Variants in FCGR2B observed in about 807,000 individuals in gnomAD.
FCGR2B encodes Fc gamma receptor IIb.
In FCGR2B, 18 loss-of-function variants were observed where a neutral mutation model predicts 24.8. The observed-to-expected ratio is 0.73, with a 90% CI of 0.50 to 1.08. The LOEUF is 1.08. FCGR2B is among the 50% of genes least tolerant of loss of function. The probability of loss-of-function intolerance (pLI) is 0.00; values close to 1 mark genes in which losing one functional copy is unlikely to be tolerated. For missense variants in FCGR2B, 215 were observed against 297.6 expected (o/e 0.72, Z 2.04); for synonymous variants, 79 against 109.8 (o/e 0.72, Z 1.75).
In FCGR2B at chr1:161,671,592, A is replaced by G; in HGVS notation, c.334A>G (p.Thr112Ala). ...CAACAACAATGACAGCGGGGAGTAC[A>G]CGTGCCAGACTGGCCAGACCAGCCT... Reference protein sequence around the residue: ...KANNNDSGEYTCQTGQTSLSD... With the variant: ...KANNNDSGEYACQTGQTSLSD... Residue 112 changes from threonine to alanine, a missense_variant, in exon 3 of 8, where the codon ACG (threonine) becomes GCG (alanine). This residue lies in a region of FCGR2B where 39 missense variants were observed against 73.3 expected (regional missense o/e 0.53). Transcript: ENST00000358671. 6.2e-7 allele frequency: 1 copy of G among 1,614,110 alleles called. No individual in the cohort carries two copies. The highest frequency in any genetic ancestry group is 8.5e-7 in the Non-Finnish European group (1 of 1,179,996).
the FCGR2B span, among the ~76,000 whole-genome samples, chr1:161,650,454 A>T: frequency 0.03 from 4,353 of 144,664 alleles, 462 homozygotes; most frequent in East Asian, 0.069. Flanking sequence ...CAAGGCTCTC[A>T]TTCTCAGCAT....
At chr1:161,651,139 G>A in the FCGR2B span, among the ~76,000 whole-genome samples, 2 of 130,890 alleles carry the variant, frequency 1.5e-5, no homozygotes, top group South Asian at 2.7e-4. Flanking sequence ...AGGGTACATC[G>A]TAAAAGACTG....
chr1:161,656,271 T>A, the FCGR2B span, among the ~76,000 whole-genome samples: 1 of 143,940 alleles, frequency 6.9e-6, no homozygotes, highest in Non-Finnish European at 1.6e-5. Flanking sequence ...GTAATGAGGG[T>A]TCCTCAGGAC....
intron 3 of FCGR2B, 89 bp downstream of exon 3, chr1:161,671,738 G>T (rs923800589): frequency 1.3e-6 from 2 of 1,590,744 alleles, no homozygotes; most frequent in Non-Finnish European, 1.7e-6. Context: ...AAAGGGGGGT[G>T]GCCTGCTTAC....
upstream of FCGR2B, among the ~76,000 whole-genome samples, chr1:161,660,899 CA>C (rs762110926): frequency 0.19 from 5,233 of 27,384 alleles, 676 homozygotes; most frequent in Non-Finnish European, 0.23. Flanking sequence ...ACTAAAAATA[CA>C]AAAAAAAAAA....
Position 161,673,096 on chromosome 1 carries a change from C to T in FCGR2B, c.513C>T (p.Ser171=), listed in dbSNP as rs1433391750. 6.2e-7 allele frequency: 1 copy of T among 1,612,166 alleles called. No individual in the cohort carries two copies. Among genetic ancestry groups the T allele is most frequent in the South Asian group, 1.1e-5 (1 of 90,960 alleles). The change falls in exon 4 of 8, where the codon TCC becomes TCT. Residue 171 remains serine, a synonymous_variant. Transcript: ENST00000358671. ...VKVTFFQNGK[S]KKFSRSDPNF... ...TCACATTCTTCCAGAATGGAAAATCCAAGAAATTTTCCCGTTCGGATCCCA... is the reference window on the plus strand; with the variant it reads ...TCACATTCTTCCAGAATGGAAAATCTAAGAAATTTTCCCGTTCGGATCCCA...
chr1:161,677,231 C>A, intron 6 of FCGR2B, 97 bp from the exon 7 acceptor site: 1 of 1,193,514 alleles, frequency 8.4e-7, no homozygotes. Flanking sequence ...CTTGCTTTGG[C>A]TCTAGTTTGG....
the FCGR2B span, among the ~76,000 whole-genome samples, chr1:161,652,459 A>C: frequency 1.1e-4 from 15 of 133,042 alleles, 2 homozygotes; most frequent in Non-Finnish European, 2.4e-4. Flanking sequence ...TTGACTCTTC[A>C]TATAGTTTCT....
At chr1:161,647,577 T>G in the FCGR2B span, among the ~76,000 whole-genome samples, 2 of 150,818 alleles carry the variant, frequency 1.3e-5, no homozygotes, top group Admixed American at 6.6e-5. Flanking sequence ...AGTGCTAGCA[T>G]TAGAGGTGTG....
chr1:161,650,038 C>T, the FCGR2B span, among the ~76,000 whole-genome samples: 2 of 150,512 alleles, frequency 1.3e-5, no homozygotes, highest in Non-Finnish European at 3.0e-5. Flanking sequence ...GACAGAGTCT[C>T]ACTCTGTTGC....
Position 161,677,305 on chromosome 1 carries a change from G to A in FCGR2B, c.818-23G>A, listed in dbSNP as rs767306442. ...CCTCTTCTCCAGCAGTGCTCTGGCTGATATTTCTTCTTTTTCCCACAGCCA... is the reference window on the plus strand; with the variant it reads ...CCTCTTCTCCAGCAGTGCTCTGGCTAATATTTCTTCTTTTTCCCACAGCCA... On this transcript the variant is annotated intron_variant, in intron 6 of 7. Coordinates refer to ENST00000358671, the MANE Select transcript of FCGR2B (RefSeq NM_001394477.1). 2.5e-6 allele frequency: 4 copies of A among 1,613,518 alleles called. No homozygotes were observed. The South Asian group carries it at 4.4e-5, about 18-fold the overall frequency.
the FCGR2B span, among the ~76,000 whole-genome samples, chr1:161,651,941 G>GAAATAAAATAAAATAAAATA: frequency 0.031 from 3,267 of 105,306 alleles, 195 homozygotes; most frequent in African/African-American, 0.091. Context: ...CTCAAAAACT[G>GAAATAAAATAAAATAAAATA]AAATAAAATA....
At chr1:161,671,340 C>G (rs1681637051) in intron 2 of FCGR2B, 52 bp from the exon 3 acceptor site, 3 of 1,613,804 alleles carry the variant, frequency 1.9e-6, no homozygotes, top group Non-Finnish European at 2.5e-6. Flanking sequence ...CAGGGCCTCT[C>G]AAGCTCCTGG....
intron 5 of FCGR2B, chr1:161,674,646 G>A (rs905752862): frequency 4.1e-5 from 8 of 196,058 alleles, no homozygotes; most frequent in Non-Finnish European, 8.5e-5. Flanking sequence ...GTTGCCATGG[G>A]GATGAAAGAG....
chr1:161,675,429 G>A (rs1445840623), intron 6 of FCGR2B, 116 bp downstream of exon 6: 35 of 669,362 alleles, frequency 5.2e-5, no homozygotes, highest in African/African-American at 1.5e-4. Context: ...GGGAGCAGCA[G>A]TGGGAGGATG....
the FCGR2B span, among the ~76,000 whole-genome samples, chr1:161,652,045 A>AGTGTGT: frequency 0.032 from 3,379 of 104,594 alleles, 249 homozygotes; most frequent in African/African-American, 0.063. Flanking sequence ...TATGTTTAGG[A>AGTGTGT]GTGTGTGTGT....
In FCGR2B at chr1:161,673,097, A is replaced by G. The variant is rs367847360; in HGVS notation, c.514A>G (p.Lys172Glu). 1 of 1,612,100 alleles carries G rather than the reference A, an allele frequency of 6.2e-7. No individual in the cohort carries two copies. The highest frequency in any genetic ancestry group is 1.3e-5 in the African/African-American group (1 of 74,734). Residue 172 changes from lysine to glutamate, a missense_variant, in exon 4 of 8, where the codon AAG (lysine) becomes GAG (glutamate). Physicochemically the swap from Lys to Glu is moderately conservative, Grantham distance 56. Transcript: ENST00000358671. ...CACATTCTTCCAGAATGGAAAATCCAAGAAATTTTCCCGTTCGGATCCCAA... is the reference window on the plus strand; with the variant it reads ...CACATTCTTCCAGAATGGAAAATCCGAGAAATTTTCCCGTTCGGATCCCAA... Reference protein sequence around the residue: ...KVTFFQNGKSKKFSRSDPNFS... With the variant: ...KVTFFQNGKSEKFSRSDPNFS...
At chr1:161,648,722 C>T in the FCGR2B span, among the ~76,000 whole-genome samples, 13 of 150,830 alleles carry the variant, frequency 8.6e-5, 2 homozygotes, top group African/African-American at 2.9e-4. Context: ...CAGAGTTTTG[C>T]TCTGTCGCCC....
At chr1:161,654,265 T>A in the FCGR2B span, among the ~76,000 whole-genome samples, 1 of 130,198 alleles carries the variant, frequency 7.7e-6, no homozygotes, top group Non-Finnish European at 1.8e-5. Context: ...AGGACAGGGC[T>A]TTTTCAGTGA....
Sources: gnomAD v4.1 joint callset for allele counts (sites outside exome capture counted in the v4.1 genomes callset) on GRCh38, gnomAD v4.1.1 for gene constraint, gnomAD v4.1.1 regional missense constraint, MANE v1.5 for transcripts, NCBI Gene and HGNC (gene_info 2026-07-23, HGNC 2026-07-21) for gene names.